Variants in SMS observed in about 807,000 individuals in gnomAD.
The protein encoded by SMS is spermidine aminopropyltransferase.
SMS carries 3 observed loss-of-function variants against 33.0 expected under a neutral mutation model. That is an observed-to-expected ratio of 0.09 (90% CI 0.04 to 0.23). The LOEUF (loss-of-function observed/expected upper bound fraction) is 0.23. Among genes scored for constraint, SMS ranks in the 10% least tolerant of loss-of-function variants. The pLI is 1.00. For missense variants in SMS, 117 were observed against 288.6 expected (o/e 0.41, Z 4.31); for synonymous variants, 103 against 112.2 (o/e 0.92, Z 0.52).
At chrX:21,977,686 G>A (rs1004158935) in intron 5 of SMS, among the ~76,000 whole-genome samples, 2 of 111,607 alleles carry the variant, frequency 1.8e-5, no homozygotes, top group African/African-American at 6.5e-5. Flanking sequence ...CATTTGTAAA[G>A]ATGTAATTGC....
chrX:21,966,816 G>A (rs1447513287), intron 1 of SMS, among the ~76,000 whole-genome samples: 2 of 111,473 alleles, frequency 1.8e-5, no homozygotes, highest in African/African-American at 6.5e-5. Flanking sequence ...AATCTCATTT[G>A]TTGTACTTGA....
At position 21,972,545 on chromosome X, in the gene SMS, T is replaced by C; in HGVS notation, c.303T>C (p.Ser101=). Reference sequence around the variant, plus strand: ...TAGAGGAAAGAATGAAAGAATTGAGTCAGGACAGTACTGGGCGGGTGAAAC... The same window carrying C: ...TAGAGGAAAGAATGAAAGAATTGAGCCAGGACAGTACTGGGCGGGTGAAAC... ...NKVEERMKEL[S]QDSTGRVKRL... Residue 101 remains serine, a synonymous_variant, in exon 4 of 11, where the codon AGT becomes AGC. Transcript: ENST00000404933. The C allele has an allele frequency of 2.2e-5, 26 of 1,191,026 alleles. No individual in the cohort carries two copies. The highest frequency in any genetic ancestry group is 3.0e-5 in the Non-Finnish European group (26 of 876,906).
At chrX:21,940,894 C>G (rs1263155655) in intron 1 of SMS, 21 bp downstream of exon 1, 1 of 1,053,229 alleles carries the variant, frequency 9.5e-7, no homozygotes, top group Admixed American at 3.1e-5. Flanking sequence ...CCGCCGCCAC[C>G]TGCGTGGCCA....
At chrX:21,948,357 A>G (rs1418261057) in intron 1 of SMS, among the ~76,000 whole-genome samples, 1 of 110,151 alleles carries the variant, frequency 9.1e-6, no homozygotes, top group Non-Finnish European at 1.9e-5. Context: ...ATCCTGGCTA[A>G]CAAGAGAGGG....
At chrX:21,964,841 T>C (rs1923589635) in intron 1 of SMS, among the ~76,000 whole-genome samples, 1 of 112,215 alleles carries the variant, frequency 8.9e-6, no homozygotes, top group Non-Finnish European at 1.9e-5. Context: ...CTAGGGTTGC[T>C]GTAACAAAGT....
In SMS at chrX:21,944,539, A is replaced by AAAAAAAAAAAAAAAAAAAAAG. The variant is rs776946474; in HGVS notation, c.49+3672_49+3673insAAAAAAAAAAAAAAGAAAAAA. The stretch of plus-strand genomic sequence containing the variant: ...TGTCTCTACAAAAAAAAAAAAAAAA[A>AAAAAAAAAAAAAAAAAAAAAG]AAAAAAGAAAAAAAATTAGCCAGGT... On this transcript the variant is annotated intron_variant, in intron 1 of 10. Coordinates refer to ENST00000404933, the MANE Select transcript of SMS (RefSeq NM_004595.5). Among the ~76,000 whole-genome samples the AAAAAAAAAAAAAAAAAAAAAG allele has an allele frequency of 2.2e-3, 181 of 81,315 alleles. 3 individuals are homozygous for AAAAAAAAAAAAAAAAAAAAAG. The highest frequency in any genetic ancestry group is 2.8e-3 in the African/African-American group (57 of 20,427). The allele number at this position is 81,315 out of a possible 115,157, so 70.6% of individuals were successfully genotyped here. A position where few individuals can be genotyped will look rare whatever the true frequency, so the allele number is the denominator to read the frequency against.
chrX:21,962,715 G>A (rs1271882068), intron 1 of SMS, among the ~76,000 whole-genome samples: 1 of 111,517 alleles, frequency 9.0e-6, no homozygotes, highest in Admixed American at 9.5e-5. Context: ...AAGTGAGGTG[G>A]CACAATCATG....
intron 4 of SMS, among the ~76,000 whole-genome samples, chrX:21,973,993 C>T (rs1329683125): frequency 1.8e-5 from 2 of 112,824 alleles, no homozygotes; most frequent in Non-Finnish European, 3.7e-5. Flanking sequence ...TACTCTTGCC[C>T]TGCCTTGGTG....
At chrX:21,952,421 G>GTTTTT (rs545894421) in intron 1 of SMS, among the ~76,000 whole-genome samples, 1 of 33,479 alleles carries the variant, frequency 3.0e-5, no homozygotes, top group South Asian at 9.4e-4. Context: ...TTGTTTGTTT[G>GTTTTT]TTTTTTTTTT....
chrX:21,985,584 T>G (rs972497709), intron 9 of SMS, among the ~76,000 whole-genome samples: 8 of 112,135 alleles, frequency 7.1e-5, no homozygotes, highest in Non-Finnish European at 1.3e-4. Context: ...GATTCTAAAC[T>G]TAAACTTTAA....
At chrX:21,988,662 C>CAAAAAAAAAAAAAAAAAAAAAAAAA (rs199561897) in intron 9 of SMS, among the ~76,000 whole-genome samples, 12 of 66,142 alleles carry the variant, frequency 1.8e-4, no homozygotes, top group South Asian at 9.5e-4. Context: ...GACTCTGTCT[C>CAAAAAAAAAAAAAAAAAAAAAAAAA]AAAAAAAAAA....
chrX:21,979,247 T>TA (rs1181358365), intron 7 of SMS, among the ~76,000 whole-genome samples: 2 of 110,749 alleles, frequency 1.8e-5, no homozygotes, highest in Admixed American at 1.9e-4. Context: ...ACAGGTTTGT[T>TA]ACATAGGTAT....
chrX:21,960,567 C>T (rs1216499372), intron 1 of SMS, among the ~76,000 whole-genome samples: 2 of 111,904 alleles, frequency 1.8e-5, no homozygotes, highest in African/African-American at 3.3e-5. Flanking sequence ...TAAAAATACA[C>T]ATATTGCTTC....
At chrX:21,985,811 T>TA (rs1200978255) in intron 9 of SMS, among the ~76,000 whole-genome samples, 1 of 111,311 alleles carries the variant, frequency 9.0e-6, no homozygotes, top group Non-Finnish European at 1.9e-5. Flanking sequence ...CGCCATTTTT[T>TA]AAAAAAAGTA....
chrX:21,945,638 C>CACCCCCA (rs1922167518), intron 1 of SMS, among the ~76,000 whole-genome samples: 1 of 69,192 alleles, frequency 1.4e-5, no homozygotes, highest in African/African-American at 5.4e-5. Context: ...TTCCCGTCCC[C>CACCCCCA]CCCCCCACCC....
chrX:21,944,505 G>A (rs1420829870), intron 1 of SMS, among the ~76,000 whole-genome samples: 1 of 60,888 alleles, frequency 1.6e-5, no homozygotes, highest in Non-Finnish European at 3.1e-5. Flanking sequence ...GGGCAACATG[G>A]GAAAAACCTG....
chrX:21,986,373 AAAG>A (rs1382203576), intron 9 of SMS, among the ~76,000 whole-genome samples: 4 of 101,732 alleles, frequency 3.9e-5, no homozygotes, highest in Middle Eastern at 4.9e-3. Context: ...AAAAAAAAAA[AAAG>A]TCAGGAACAG....
intron 1 of SMS, among the ~76,000 whole-genome samples, chrX:21,951,521 A>G (rs12558003): frequency 0.42 from 45,847 of 110,087 alleles, 8,621 homozygotes; most frequent in African/African-American, 0.72. Context: ...GCCCATGCCT[A>G]TGTCCTGAAT....
At chrX:21,983,260 G>T (rs1302872870) in intron 7 of SMS, among the ~76,000 whole-genome samples, 1 of 110,496 alleles carries the variant, frequency 9.1e-6, no homozygotes, top group Non-Finnish European at 1.9e-5. Flanking sequence ...GGCTGCTCTA[G>T]TACTCCTGGG....
Sources: gnomAD v4.1 joint callset for allele counts (sites outside exome capture counted in the v4.1 genomes callset) on GRCh38, gnomAD v4.1.1 for gene constraint, MANE v1.5 for transcripts, NCBI Gene and HGNC (gene_info 2026-07-23, HGNC 2026-07-21) for gene names.